Variants in NFAT5 observed in about 807,000 individuals in gnomAD.
The protein encoded by NFAT5 is nuclear factor of activated T-cells 5.
Under a neutral mutation model 166.5 loss-of-function variants are expected in NFAT5, and 31 were observed. That is an observed-to-expected ratio of 0.19 (90% confidence interval 0.14 to 0.25). The LOEUF (loss-of-function observed/expected upper bound fraction) is 0.25, where lower values mean the gene tolerates loss of function less well. Ranked by LOEUF, NFAT5 falls within the 10% of genes least tolerant of loss-of-function variation. NFAT5 has a pLI of 1.00. For missense variants in NFAT5, 1,449 were observed against 1,821.8 expected (o/e 0.80, Z 3.72); for synonymous variants, 612 against 639.7 (o/e 0.96, Z 0.65).
chr16:69,611,453 T>G (rs554992438), intron 2 of NFAT5, among the ~76,000 whole-genome samples: 34 of 152,316 alleles, frequency 2.2e-4, no homozygotes, highest in African/African-American at 7.7e-4. Flanking sequence ...TGGAGTCTCC[T>G]TTTCTCTTTA....
At position 69,698,176 on chromosome 16, in the gene NFAT5, A is replaced by G. The variant is rs915752451; in HGVS notation, c.*1825A>G. ...GGCATTGAATTACGTTTTCAGTAGT[A>G]CAGGCTTCTTGCCGATATGAAGGGA... On this transcript the variant is annotated 3_prime_UTR_variant, in exon 15 of 15. Coordinates refer to ENST00000349945, the MANE Select transcript of NFAT5 (RefSeq NM_138713.4). The G allele has an allele frequency of 6.6e-6, 1 of 152,306 alleles. No homozygotes were observed. Among genetic ancestry groups the G allele is most frequent in the Non-Finnish European group, 1.5e-5 (1 of 68,006 alleles). 9.4% of individuals were successfully genotyped at this position (152,306 alleles called of 1,614,324 possible).
In NFAT5 at chr16:69,626,514, C is replaced by T. The variant is rs1555524329; in HGVS notation, c.239C>T (p.Ala80Val). Reference sequence around the variant, plus strand: ...GGTGAGGCAGGCTCGCCTCCTCCAGCTGTTGTTGCTGCTGGTATGCATTTC... The same window carrying T: ...GGTGAGGCAGGCTCGCCTCCTCCAGTTGTTGTTGCTGCTGGTATGCATTTC... Reference protein sequence around the residue: ...SGGEAGSPPPAVVAADASSAP... With the variant: ...SGGEAGSPPPVVVAADASSAP... Residue 80 changes from alanine (A) to valine (V), a missense_variant, in exon 3 of 15, where the codon GCT becomes GTT. Ala to Val is a moderately conservative substitution (Grantham distance 64, BLOSUM62 0). Transcript: ENST00000349945. 2 of 1,560,490 alleles carry T rather than the reference C, an allele frequency of 1.3e-6. No individual in the cohort carries two copies. Among genetic ancestry groups the T allele is most frequent in the Admixed American group, 4.1e-5 (2 of 49,242 alleles).
rs1030735462 is a variant in NFAT5 at position 69,566,056 on chromosome 16, C to A, written c.-246C>A. 9.5e-6 allele frequency: 5 copies of A among 523,896 alleles called. No individual in the cohort carries two copies. The highest frequency in any genetic ancestry group is 1.7e-5 in the Non-Finnish European group (5 of 298,826). The allele number at this position is 523,896 out of a possible 1,614,324, so 32.5% of individuals were successfully genotyped here. ...CGGACCCTTTGGCTCTCCCCCTTCCCCTTCCCCGTCCTGAACCCCTCTCCT... is the reference window on the plus strand; with the variant it reads ...CGGACCCTTTGGCTCTCCCCCTTCCACTTCCCCGTCCTGAACCCCTCTCCT... On this transcript the variant is annotated 5_prime_UTR_variant, in exon 1 of 15. Coordinates refer to ENST00000349945, the MANE Select transcript of NFAT5 (RefSeq NM_138713.4). This position sits in a 1 kb window ranked among gnomAD's most constrained non-coding sequence, Gnocchi z 5.7.
In NFAT5 at chr16:69,691,074, T is replaced by C; in HGVS notation, c.1909T>C (p.Ser637Pro). 1 of 1,598,276 alleles carries C rather than the reference T, an allele frequency of 6.3e-7. No individual in the cohort carries two copies. The highest frequency in any genetic ancestry group is 1.3e-5 in the African/African-American group (1 of 74,450). ...PMEVTAEKRS[S>P]TIFKTTKSVG... ...GGAAGTAACAGCAGAAAAAAGATCT[T>C]CCACTATTTTTAAGGTAAGCTGTAT... Residue 637 changes from serine (S) to proline (P), a missense_variant, in exon 12 of 15, where the codon TCC becomes CCC. Transcript: ENST00000349945.
At chr16:69,664,830 C>G (rs2036297535) in intron 7 of NFAT5, among the ~76,000 whole-genome samples, 1 of 151,960 alleles carries the variant, frequency 6.6e-6, no homozygotes, top group Admixed American at 6.6e-5. Flanking sequence ...GAGATTGAGA[C>G]CAGCCTGAGC....
chr16:69,695,989 T>G (rs913599615), intron 14 of NFAT5, among the ~76,000 whole-genome samples: 1 of 152,204 alleles, frequency 6.6e-6, no homozygotes, highest in Non-Finnish European at 1.5e-5. Flanking sequence ...GATATCTCAT[T>G]GTGTATATGT....
At chr16:69,641,816 G>A (rs919014891) in intron 3 of NFAT5, among the ~76,000 whole-genome samples, 2 of 152,088 alleles carry the variant, frequency 1.3e-5, no homozygotes, top group Non-Finnish European at 2.9e-5. Context: ...TCTTATTTCA[G>A]TCTGGGCATG....
intron 9 of NFAT5, among the ~76,000 whole-genome samples, chr16:69,676,648 A>C (rs1256484059): frequency 6.6e-6 from 1 of 152,172 alleles, no homozygotes; most frequent in Non-Finnish European, 1.5e-5. Flanking sequence ...TTGGAGAAAG[A>C]CCAAAAAACA....
intron 2 of NFAT5, among the ~76,000 whole-genome samples, chr16:69,599,167 A>G (rs1307577587): frequency 1.3e-5 from 2 of 152,088 alleles, no homozygotes; most frequent in African/African-American, 4.8e-5. Context: ...GGTGATGAAA[A>G]TGTTCTGGAA....
intron 2 of NFAT5, among the ~76,000 whole-genome samples, chr16:69,625,204 A>G (rs2034400650): frequency 1.3e-5 from 2 of 152,046 alleles, no homozygotes; most frequent in African/African-American, 4.8e-5. Context: ...GCCTAGCTCT[A>G]ATTGGTTTTT....
intron 2 of NFAT5, among the ~76,000 whole-genome samples, chr16:69,605,783 G>A (rs987430638): frequency 1.3e-5 from 2 of 151,184 alleles, no homozygotes; most frequent in African/African-American, 2.4e-5. Context: ...GCGCAATCTC[G>A]GCTCACTGCA....
intron 3 of NFAT5, among the ~76,000 whole-genome samples, chr16:69,644,356 A>G (rs1424878670): frequency 1.3e-5 from 2 of 152,158 alleles, no homozygotes; most frequent in South Asian, 2.1e-4. Flanking sequence ...AATCTTTGCA[A>G]TTGAGGTAGA....
At chr16:69,631,980 A>G (rs1248244645) in intron 3 of NFAT5, among the ~76,000 whole-genome samples, 1 of 152,192 alleles carries the variant, frequency 6.6e-6, no homozygotes, top group Non-Finnish European at 1.5e-5. Context: ...TTTGAGTTCT[A>G]TGCCATGTCA....
At chr16:69,654,481 A>G (rs1226308012) in intron 5 of NFAT5, among the ~76,000 whole-genome samples, 1 of 152,200 alleles carries the variant, frequency 6.6e-6, no homozygotes, top group East Asian at 1.9e-4. Context: ...CTTCAATCCC[A>G]GGACAGGTAA....
Position 69,659,705 on chromosome 16 carries a change from A to C in NFAT5, c.1197-22A>C, listed in dbSNP as rs368732959. 6 of 1,521,396 alleles carry C rather than the reference A, an allele frequency of 3.9e-6. No homozygotes were observed. The African/African-American group carries it at 8.3e-5, about 21-fold the overall frequency. 94.2% of individuals were successfully genotyped at this position (1,521,396 alleles called of 1,614,324 possible). A position where few individuals can be genotyped will look rare whatever the true frequency, so the allele number is the denominator to read the frequency against. On this transcript the variant is annotated intron_variant, in intron 6 of 14. Coordinates refer to ENST00000349945, the MANE Select transcript of NFAT5 (RefSeq NM_138713.4). ...TATTTATACAACAAAATGTCCCTTT[A>C]TATATTTTTTTTCTGTATTAGGGTG...
intron 2 of NFAT5, among the ~76,000 whole-genome samples, chr16:69,580,176 A>T (rs957722216): frequency 6.6e-6 from 1 of 151,966 alleles, no homozygotes; most frequent in African/African-American, 2.4e-5. Context: ...ATGTAATTAC[A>T]TATTAAATAT....
chr16:69,651,974 A>C (rs573847735), intron 4 of NFAT5, among the ~76,000 whole-genome samples: 1 of 152,200 alleles, frequency 6.6e-6, no homozygotes, highest in South Asian at 2.1e-4. Flanking sequence ...ACCATTGCTC[A>C]AAAGGAAAGA....
intron 10 of NFAT5, among the ~76,000 whole-genome samples, chr16:69,683,401 G>A (rs1464843533): frequency 4.6e-5 from 7 of 151,996 alleles, no homozygotes; most frequent in African/African-American, 1.2e-4. Context: ...GCGTGGTGGC[G>A]TGTGCCTGTA....
chr16:69,685,029 C>G, intron 11 of NFAT5, 59 bp downstream of exon 11: 1 of 1,118,558 alleles, frequency 8.9e-7, no homozygotes, highest in South Asian at 1.4e-5. Flanking sequence ...TTTTCTCTAG[C>G]ACACCTTACT....
Sources: gnomAD v4.1 joint callset for allele counts (sites outside exome capture counted in the v4.1 genomes callset) on GRCh38, gnomAD v4.1.1 for gene constraint, Gnocchi (gnomAD v3.1) non-coding constraint, MANE v1.5 for transcripts, NCBI Gene and HGNC (gene_info 2026-07-23, HGNC 2026-07-21) for gene names.